BCL2L13: variants seen among roughly 807,000 people sequenced by gnomAD.
BCL2L13 encodes the protein BCL2 like 13.
A neutral mutation model predicts 25.8 loss-of-function variants in BCL2L13; 13 were observed. That is an observed-to-expected ratio of 0.50 (90% CI 0.33 to 0.80). BCL2L13 has a LOEUF of 0.80. Among genes scored for constraint, BCL2L13 ranks in the 30% least tolerant of loss-of-function variants. The probability of loss-of-function intolerance (pLI) is 0.02; values close to 1 mark genes in which losing one functional copy is unlikely to be tolerated. For synonymous variants in BCL2L13, 244 were observed against 230.3 expected (o/e 1.06, Z -0.54); for missense variants, 504 against 574.9 (o/e 0.88, Z 1.26).
intron 6 of BCL2L13, among the ~76,000 whole-genome samples, chr22:17,711,693 ACT>A (rs1449619427): frequency 6.6e-6 from 1 of 151,964 alleles, no homozygotes; most frequent in African/African-American, 2.4e-5. Context: ...TTTCGTTATG[ACT>A]CTTGTTTTTG....
chr22:17,696,031 CTTTG>C, intron 4 of BCL2L13, 106 bp from the exon 5 acceptor site: 1 of 662,730 alleles, frequency 1.5e-6, no homozygotes, highest in Non-Finnish European at 2.7e-6. Context: ...GTTGAATAAT[CTTTG>C]TCAGTTTAGC....
At chr22:17,631,960 T>A (rs1206103269) in intron 1 of BCL2L13, among the ~76,000 whole-genome samples, 3 of 151,796 alleles carry the variant, frequency 2.0e-5, no homozygotes, top group African/African-American at 7.3e-5. Flanking sequence ...GACCTCGTGA[T>A]CTGCCCGCCT....
Position 17,659,640 on chromosome 22 carries a change from G to A in BCL2L13, c.121+3808G>A, listed in dbSNP as rs1029269321. Among the ~76,000 whole-genome samples, 5 of 144,268 alleles carry A rather than the reference G, an allele frequency of 3.5e-5. 1 individual carries two copies. The highest frequency in any genetic ancestry group is 7.0e-5 in the Admixed American group (1 of 14,386). The allele number at this position is 144,268 out of a possible 152,430, so 94.6% of individuals were successfully genotyped here. A position where few individuals can be genotyped will look rare whatever the true frequency, so the allele number is the denominator to read the frequency against. On this transcript the variant is annotated intron_variant, in intron 2 of 6. Coordinates refer to ENST00000317582, the MANE Select transcript of BCL2L13 (RefSeq NM_015367.4). Reference sequence around the variant, plus strand: ...CATGCCACTGCACTCCAGCCTGGGCGACAGAACGAGACTCCGTCAAAAAAC... The same window carrying A: ...CATGCCACTGCACTCCAGCCTGGGCAACAGAACGAGACTCCGTCAAAAAAC...
intron 2 of BCL2L13, among the ~76,000 whole-genome samples, chr22:17,681,659 C>T (rs2059759631): frequency 6.6e-6 from 1 of 152,038 alleles, no homozygotes; most frequent in Non-Finnish European, 1.5e-5. Flanking sequence ...CCTGAAATCT[C>T]AAAAAGCCCA....
rs1390289164 is a variant in BCL2L13, at chr22:17,730,617, T to C, written c.*3083T>C. 6.6e-6 allele frequency: 1 copy of C among 152,120 alleles called. No individual in the cohort carries two copies. 9.4% of individuals were successfully genotyped at this position (152,120 alleles called of 1,614,324 possible). On this transcript the variant is annotated 3_prime_UTR_variant, in exon 7 of 7. Coordinates refer to ENST00000317582, the MANE Select transcript of BCL2L13 (RefSeq NM_015367.4). ...TTATAGAAATAAAACGTTTTGTAGC[T>C]AAGAATTTTCCCTTTCTCTTAATTT...
intron 6 of BCL2L13, among the ~76,000 whole-genome samples, chr22:17,712,005 T>C (rs1349921645): frequency 6.6e-6 from 1 of 151,918 alleles, no homozygotes; most frequent in Non-Finnish European, 1.5e-5. Flanking sequence ...AGGTGGGAGT[T>C]TAATAACGTT....
intron 2 of BCL2L13, among the ~76,000 whole-genome samples, chr22:17,656,787 T>C (rs1421503078): frequency 2.6e-5 from 4 of 152,140 alleles, no homozygotes; most frequent in African/African-American, 9.7e-5. Flanking sequence ...GTCATTCTAC[T>C]AAGTGTTCCA....
chr22:17,720,933 G>A (rs529146879), intron 6 of BCL2L13, among the ~76,000 whole-genome samples: 2 of 152,030 alleles, frequency 1.3e-5, no homozygotes, highest in East Asian at 1.9e-4. Flanking sequence ...TTAGGAGGCC[G>A]AGGCGGGTGG....
chr22:17,684,705 A>T (rs942981174), intron 3 of BCL2L13: 5 of 400,284 alleles, frequency 1.2e-5, no homozygotes, highest in African/African-American at 1.1e-4. Context: ...CCAGGATTAC[A>T]GGTATGTGCC....
intron 6 of BCL2L13, among the ~76,000 whole-genome samples, chr22:17,723,802 G>A (rs562234140): frequency 3.3e-5 from 5 of 152,028 alleles, no homozygotes; most frequent in East Asian, 1.9e-4. Context: ...GCATGGTGGC[G>A]TGCACCTGTA....
At chr22:17,722,159 C>T (rs1278421069) in intron 6 of BCL2L13, among the ~76,000 whole-genome samples, 1 of 152,096 alleles carries the variant, frequency 6.6e-6, no homozygotes, top group Non-Finnish European at 1.5e-5. Context: ...ACAGAGTTAT[C>T]TTTGCCACAA....
At chr22:17,641,359 G>A (rs143761924) in intron 1 of BCL2L13, among the ~76,000 whole-genome samples, 65 of 152,054 alleles carry the variant, frequency 4.3e-4, no homozygotes, top group African/African-American at 1.5e-3. Context: ...ATACAAAGTG[G>A]GGGTGGGTGG....
chr22:17,710,368 G>A (rs776692599), intron 6 of BCL2L13, among the ~76,000 whole-genome samples: 3 of 151,528 alleles, frequency 2.0e-5, no homozygotes, highest in African/African-American at 7.3e-5. Flanking sequence ...ATCATTTGAG[G>A]TCAGGACTTT....
chr22:17,686,120 A>G (rs998509566), intron 3 of BCL2L13, among the ~76,000 whole-genome samples: 3 of 151,882 alleles, frequency 2.0e-5, no homozygotes, highest in Admixed American at 6.6e-5. Context: ...TTCATAACTC[A>G]TGTTCCTCGT....
At chr22:17,642,375 T>C (rs1423975868) in intron 1 of BCL2L13, among the ~76,000 whole-genome samples, 1 of 151,226 alleles carries the variant, frequency 6.6e-6, no homozygotes, top group African/African-American at 2.4e-5. Context: ...GCTAGGCTGG[T>C]CTCCAGCTCC....
At chr22:17,666,707 G>T (rs2059245715) in intron 2 of BCL2L13, among the ~76,000 whole-genome samples, 1 of 147,404 alleles carries the variant, frequency 6.8e-6, no homozygotes, top group African/African-American at 2.5e-5. Flanking sequence ...TTTAAGACAG[G>T]GTCTTGCTTT....
Position 17,644,626 on chromosome 22 carries a change from G to A in BCL2L13, c.-51+5740G>A, listed in dbSNP as rs555113843. Among the ~76,000 whole-genome samples, 6 of 151,092 alleles carry A rather than the reference G, an allele frequency of 4.0e-5. No individual in the cohort carries two copies. The South Asian group carries it at 6.2e-4, about 16-fold the overall frequency. On this transcript the variant is annotated intron_variant, in intron 1 of 6. Coordinates refer to ENST00000317582, the MANE Select transcript of BCL2L13 (RefSeq NM_015367.4). ...ATTATAGGTATGAGCCACCACGCCC[G>A]ACTGCATTTAATAATCTTATAATAT...
chr22:17,684,720 A>G (rs959304808), intron 3 of BCL2L13: 1 of 362,742 alleles, frequency 2.8e-6, no homozygotes, highest in African/African-American at 2.3e-5. Flanking sequence ...TGTGCCACCA[A>G]ACCTGGCTAA....
At chr22:17,630,801 G>A (rs1312536574) in intron 1 of BCL2L13, among the ~76,000 whole-genome samples, 9 of 151,370 alleles carry the variant, frequency 5.9e-5, no homozygotes, top group African/African-American at 2.2e-4. Flanking sequence ...ACATTGGCCA[G>A]GGTGGTCTTG....
Sources: allele counts gnomAD v4.1 joint callset (sites outside exome capture counted in the v4.1 genomes callset), GRCh38; gene constraint gnomAD v4.1.1; transcripts MANE v1.5; gene names NCBI Gene and HGNC (gene_info 2026-07-23, HGNC 2026-07-21).